The following ME1 variants were observed in gnomAD, a reference collection of about 807,000 sequenced individuals.
The protein encoded by ME1 is NADP-dependent malic enzyme.
ME1 carries 74 observed loss-of-function variants against 66.4 expected under a neutral mutation model. The observed-to-expected ratio is 1.11, with a 90% CI of 0.92 to 1.35. ME1 has a LOEUF of 1.35. Ranked by LOEUF, ME1 falls within the 40% of genes most tolerant of loss-of-function variation. The pLI, the probability that ME1 is intolerant of heterozygous loss-of-function variation, is 0.00. For synonymous variants in ME1, 251 were observed against 235.6 expected (o/e 1.07, Z -0.60); for missense variants, 750 against 694.1 (o/e 1.08, Z -0.90).
chr6:83,321,461 G>A (rs909687168), intron 5 of ME1, among the ~76,000 whole-genome samples: 8 of 152,148 alleles, frequency 5.3e-5, no homozygotes, highest in African/African-American at 7.2e-5. Flanking sequence ...CGAGCTTGGT[G>A]TGGGGAGGGA....
At chr6:83,350,794 T>A (rs1421350218) in intron 4 of ME1, among the ~76,000 whole-genome samples, 3 of 152,042 alleles carry the variant, frequency 2.0e-5, no homozygotes, top group Non-Finnish European at 2.9e-5. Flanking sequence ...GGCCAACTTG[T>A]TGATTCCTTA....
intron 1 of ME1, among the ~76,000 whole-genome samples, chr6:83,422,776 A>G (rs1770291595): frequency 6.6e-6 from 1 of 152,146 alleles, no homozygotes; most frequent in Admixed American, 6.5e-5. Flanking sequence ...GAATCATTAG[A>G]AACAAATCAG....
intron 5 of ME1, among the ~76,000 whole-genome samples, chr6:83,322,608 A>C (rs1768200501): frequency 6.6e-6 from 1 of 152,182 alleles, no homozygotes; most frequent in Admixed American, 6.5e-5. Flanking sequence ...ATTAGAGAAA[A>C]AATAATGAAA....
At chr6:83,406,028 T>G (rs1448245251) in intron 2 of ME1, among the ~76,000 whole-genome samples, 1 of 152,196 alleles carries the variant, frequency 6.6e-6, no homozygotes, top group Non-Finnish European at 1.5e-5. Flanking sequence ...GCCAAGAGTT[T>G]TTAACATGAA....
At chr6:83,418,454 C>T (rs1770202820) in intron 1 of ME1, among the ~76,000 whole-genome samples, 2 of 152,180 alleles carry the variant, frequency 1.3e-5, no homozygotes, top group South Asian at 4.1e-4. Context: ...TTCCCTCTTA[C>T]TCAGCTTTTT....
rs1562468635 is a variant in ME1, at chr6:83,282,649, A to G, written c.705-28911T>C. 3.3e-5 allele frequency among the ~76,000 whole-genome samples: 5 copies of G among 152,316 alleles called. No homozygotes were observed. In the South Asian group the frequency reaches 8.3e-4, roughly 25 times the overall value. On this transcript the variant is annotated intron_variant, in intron 6 of 13. Coordinates refer to ENST00000369705, the MANE Select transcript of ME1 (RefSeq NM_002395.6). The stretch of plus-strand genomic sequence containing the variant: ...GGATGTGGAGAAATAGGAACACTTT[A>G]TACTGCTGGTGGGAGTATAAGTTAG...
At chr6:83,325,772 T>C (rs998487745) in intron 5 of ME1, among the ~76,000 whole-genome samples, 2 of 152,064 alleles carry the variant, frequency 1.3e-5, no homozygotes. Context: ...GTCAATATCA[T>C]GAAACTGACC....
intron 12 of ME1, among the ~76,000 whole-genome samples, chr6:83,221,326 A>G (rs1250580440): frequency 2.0e-5 from 3 of 152,228 alleles, no homozygotes; most frequent in Non-Finnish European, 4.4e-5. Context: ...ACTTGTCACA[A>G]AAAGATTCCA....
At chr6:83,362,921 T>A (rs1351804770) in intron 3 of ME1, among the ~76,000 whole-genome samples, 1 of 152,214 alleles carries the variant, frequency 6.6e-6, no homozygotes, top group Non-Finnish European at 1.5e-5. Context: ...TCTTACCATG[T>A]TTCCTATCAT....
At chr6:83,291,324 A>G (rs973894810) in intron 6 of ME1, among the ~76,000 whole-genome samples, 1 of 152,158 alleles carries the variant, frequency 6.6e-6, no homozygotes, top group Non-Finnish European at 1.5e-5. Context: ...GGTGGTGACA[A>G]AATCTCTCAG....
chr6:83,218,669 A>G (rs1790034907), intron 12 of ME1, among the ~76,000 whole-genome samples: 1 of 152,342 alleles, frequency 6.6e-6, no homozygotes, highest in Non-Finnish European at 1.5e-5. Context: ...CCTGCCAGAG[A>G]GAATTAGTGG....
At chr6:83,267,675 C>A (rs2128530538) in intron 6 of ME1, among the ~76,000 whole-genome samples, 1 of 152,248 alleles carries the variant, frequency 6.6e-6, no homozygotes, top group South Asian at 2.1e-4. Context: ...ACTTCTGAAA[C>A]AGATAATTAT....
chr6:83,212,356 G>A (rs979801261), intron 13 of ME1, among the ~76,000 whole-genome samples: 3 of 152,170 alleles, frequency 2.0e-5, no homozygotes, highest in Admixed American at 6.5e-5. Context: ...ATCACATCTG[G>A]ATTTCTCAGA....
chr6:83,350,421 C>A (rs979876008), intron 4 of ME1, among the ~76,000 whole-genome samples: 1 of 152,168 alleles, frequency 6.6e-6, no homozygotes, highest in African/African-American at 2.4e-5. Flanking sequence ...TTGGCTAGAA[C>A]TCTCTACTGC....
intron 2 of ME1, among the ~76,000 whole-genome samples, chr6:83,406,071 C>A (rs1211574346): frequency 1.3e-5 from 2 of 152,142 alleles, no homozygotes; most frequent in African/African-American, 4.8e-5. Flanking sequence ...GCCTTTTCTG[C>A]ATCTATTGAA....
intron 3 of ME1, chr6:83,392,390 A>G (rs1439701675): frequency 2.2e-5 from 11 of 510,700 alleles, no homozygotes; most frequent in Admixed American, 1.6e-4. Flanking sequence ...CTTCTCGTGC[A>G]TTGCCAGCTG....
intron 6 of ME1, among the ~76,000 whole-genome samples, chr6:83,268,290 A>G (rs2128530624): frequency 6.6e-6 from 1 of 152,312 alleles, no homozygotes; most frequent in African/African-American, 2.4e-5. Context: ...TAGATAAACA[A>G]TAAGGTATTA....
intron 1 of ME1, among the ~76,000 whole-genome samples, chr6:83,410,272 T>C (rs1262320755): frequency 3.9e-5 from 6 of 152,140 alleles, no homozygotes; most frequent in Non-Finnish European, 8.8e-5. Context: ...ATGAGAAAAT[T>C]TAGAATTCAT....
chr6:83,392,313 T>C (rs1769637029), intron 3 of ME1: 1 of 515,842 alleles, frequency 1.9e-6, no homozygotes, highest in Non-Finnish European at 3.8e-6. Context: ...ACTGTCTACA[T>C]GTTCCAGTAT....
Sources: gnomAD v4.1 joint callset for allele counts (sites outside exome capture counted in the v4.1 genomes callset) on GRCh38, gnomAD v4.1.1 for gene constraint, MANE v1.5 for transcripts, NCBI Gene and HGNC (gene_info 2026-07-23, HGNC 2026-07-21) for gene names.